The following THSD7B variants were observed in gnomAD, a reference collection of about 807,000 sequenced individuals.
The protein encoded by THSD7B is thrombospondin type 1 domain containing 7B.
Under a neutral mutation model 213.6 loss-of-function variants are expected in THSD7B, and 138 were observed. The observed-to-expected ratio is 0.65, with a 90% CI of 0.56 to 0.74. The LOEUF is 0.74. Ranked by LOEUF, THSD7B falls within the 30% of genes least tolerant of loss-of-function variation. The probability of loss-of-function intolerance (pLI) is 0.00; values close to 1 mark genes in which losing one functional copy is unlikely to be tolerated. For missense variants in THSD7B, 1,931 were observed against 1,991.5 expected, an observed-to-expected ratio of 0.97 and a Z score of 0.58; for synonymous variants, 742 against 687.0, an observed-to-expected ratio of 1.08 and a Z score of -1.25.
At chr2:137,588,241 C>T (rs925157098) in intron 17 of THSD7B, among the ~76,000 whole-genome samples, 2 of 152,130 alleles carry the variant, frequency 1.3e-5, no homozygotes, top group African/African-American at 4.8e-5. Flanking sequence ...TCACAGATTC[C>T]CTTGGCTAGG....
rs769859510 is a variant in THSD7B, at chr2:137,563,175, A to G, written c.3139-46A>G. On this transcript the variant is annotated intron_variant, in intron 15 of 27. Transcript: ENST00000409968. The stretch of plus-strand genomic sequence containing the variant: ...CTAAAAGATAGGCTATTTTTCTATA[A>G]GTTGGATAGTTCCACATAATTTTGT... 8.2e-6 allele frequency: 13 copies of G among 1,593,358 alleles called. No homozygotes were observed. The East Asian group carries it at 2.5e-4, about 30-fold the overall frequency.
chr2:136,901,261 T>A (rs1684057237), intron 2 of THSD7B, among the ~76,000 whole-genome samples: 1 of 152,200 alleles, frequency 6.6e-6, no homozygotes, highest in Admixed American at 6.5e-5. Context: ...ATAGCTACTG[T>A]TTCCAAGTCG....
chr2:137,320,280 A>G (rs1005108955), intron 12 of THSD7B, among the ~76,000 whole-genome samples: 11 of 152,152 alleles, frequency 7.2e-5, no homozygotes, highest in African/African-American at 2.4e-4. Flanking sequence ...ATATATGTAT[A>G]TTTACCATAT....
intron 7 of THSD7B, among the ~76,000 whole-genome samples, chr2:137,218,587 C>T (rs1010183345): frequency 6.6e-6 from 1 of 151,812 alleles, no homozygotes; most frequent in African/African-American, 2.4e-5. Context: ...TAATATCAGT[C>T]TTAAGACAAT....
intron 2 of THSD7B, among the ~76,000 whole-genome samples, chr2:136,972,920 G>A (rs181809772): frequency 2.6e-4 from 40 of 152,254 alleles, no homozygotes; most frequent in African/African-American, 9.6e-4. Context: ...GAATACCAAA[G>A]TTTGAGATTC....
intron 1 of THSD7B, among the ~76,000 whole-genome samples, chr2:136,780,417 A>G (rs1681718765): frequency 6.6e-6 from 1 of 152,172 alleles, no homozygotes; most frequent in Admixed American, 6.5e-5. Flanking sequence ...TAGGAGTTCA[A>G]CATATGAATG....
chr2:137,516,633 G>T (rs539200976), intron 15 of THSD7B, among the ~76,000 whole-genome samples: 5 of 152,274 alleles, frequency 3.3e-5, no homozygotes, highest in African/African-American at 1.2e-4. Context: ...TTTAGCTCAG[G>T]TCTGACTTAC....
At chr2:136,905,217 A>C (rs1684138803) in intron 2 of THSD7B, among the ~76,000 whole-genome samples, 1 of 152,092 alleles carries the variant, frequency 6.6e-6, no homozygotes, top group Non-Finnish European at 1.5e-5. Flanking sequence ...GTGAAATCCT[A>C]CCCAACTCTA....
rs912550238 is a variant in THSD7B at position 137,023,344 on chromosome 2, G to T, written c.140-33076G>T. On this transcript the variant is annotated intron_variant, in intron 2 of 27. Transcript: ENST00000409968. ...CCAGTGGCACCAGACACCGGGGGAG[G>T]TGTCTGGTAGCTTCCAGGGTTTCTC... Among the ~76,000 whole-genome samples the T allele has an allele frequency of 4.1e-4, 62 of 152,110 alleles. 1 individual carries two copies. Among genetic ancestry groups the T allele is most frequent in the African/African-American group, 1.4e-3 (59 of 41,416 alleles).
intron 12 of THSD7B, among the ~76,000 whole-genome samples, chr2:137,401,491 T>G (rs943459244): frequency 1.3e-5 from 2 of 152,202 alleles, no homozygotes; most frequent in Admixed American, 1.3e-4. Context: ...ATGTTTCATT[T>G]AACTTTTTAG....
intron 7 of THSD7B, among the ~76,000 whole-genome samples, chr2:137,221,062 A>T (rs1681358165): frequency 6.6e-6 from 1 of 152,150 alleles, no homozygotes; most frequent in Non-Finnish European, 1.5e-5. Flanking sequence ...GCACTTTGGG[A>T]GTCCGAGGCG....
chr2:137,238,534 C>CTTTT (rs869146863), intron 9 of THSD7B, among the ~76,000 whole-genome samples: 1,635 of 51,890 alleles, frequency 0.032, 404 homozygotes, highest in East Asian at 0.053. Context: ...ACTCATCTTT[C>CTTTT]TTTTTTTTTT....
intron 15 of THSD7B, among the ~76,000 whole-genome samples, chr2:137,483,665 G>T (rs1181060032): frequency 2.0e-5 from 3 of 152,104 alleles, no homozygotes; most frequent in Admixed American, 6.5e-5. Flanking sequence ...AGTTAGGGAA[G>T]GTTTTATAAA....
At chr2:137,483,833 T>C (rs1688362097) in intron 15 of THSD7B, among the ~76,000 whole-genome samples, 1 of 152,066 alleles carries the variant, frequency 6.6e-6, no homozygotes, top group African/African-American at 2.4e-5. Context: ...ACGAATCATT[T>C]CGGAGACAGA....
chr2:137,589,082 A>T (rs1228088001), intron 17 of THSD7B, among the ~76,000 whole-genome samples: 1 of 152,118 alleles, frequency 6.6e-6, no homozygotes, highest in Non-Finnish European at 1.5e-5. Flanking sequence ...ACCTGGCCAC[A>T]TGTTGTCCTT....
intron 15 of THSD7B, among the ~76,000 whole-genome samples, chr2:137,457,024 C>G (rs1396858875): frequency 6.6e-6 from 1 of 152,116 alleles, no homozygotes; most frequent in African/African-American, 2.4e-5. Context: ...AGAGGAGAGG[C>G]AATTTTTCTT....
In THSD7B at chr2:136,875,557, T is replaced by C. The variant is rs141993024; in HGVS notation, c.-35-6587T>C. Among the ~76,000 whole-genome samples, 180 of 152,274 alleles carry C rather than the reference T, an allele frequency of 1.2e-3. 1 individual carries two copies. The highest frequency in any genetic ancestry group is 4.2e-3 in the African/African-American group (175 of 41,546). On this transcript the variant is annotated intron_variant, in intron 1 of 27. Transcript: ENST00000409968. ...ATTGTGTAAGATCTGTATTCCAGAT[T>C]GTTTTGGTCAAGATCAGTTTTTGGT...
At chr2:137,559,326 A>G (rs1272823202) in intron 15 of THSD7B, among the ~76,000 whole-genome samples, 3 of 152,212 alleles carry the variant, frequency 2.0e-5, no homozygotes, top group African/African-American at 7.2e-5. Flanking sequence ...CTGCAAGGCT[A>G]CAGTAACCAA....
At chr2:137,179,086 T>G (rs79433365) in intron 7 of THSD7B, among the ~76,000 whole-genome samples, 1 of 152,178 alleles carries the variant, frequency 6.6e-6, no homozygotes, top group African/African-American at 2.4e-5. Context: ...CCATTCTATA[T>G]GATTCAAGAA....
Sources: allele counts gnomAD v4.1 joint callset (sites outside exome capture counted in the v4.1 genomes callset), GRCh38; gene constraint gnomAD v4.1.1; transcripts MANE v1.5; gene names NCBI Gene and HGNC (gene_info 2026-07-23, HGNC 2026-07-21).